The following CDH13 variants were observed in gnomAD, a reference collection of about 807,000 sequenced individuals.
CDH13 encodes cadherin 13.
CDH13 carries 24 observed loss-of-function variants against 63.8 expected under a neutral mutation model. The observed-to-expected ratio is 0.38, with a 90% CI of 0.27 to 0.53. The LOEUF (loss-of-function observed/expected upper bound fraction) is 0.53, where lower values mean the gene tolerates loss of function less well. CDH13 is among the 20% of genes least tolerant of loss of function. The pLI is 0.85. For synonymous variants in CDH13, 503 were observed against 355.3 expected, an observed-to-expected ratio of 1.42 and a Z score of -4.67; for missense variants, 1,049 against 903.1, an observed-to-expected ratio of 1.16 and a Z score of -2.07.
chr16:83,652,138 A>G (rs1912440970), intron 8 of CDH13, among the ~76,000 whole-genome samples: 1 of 152,226 alleles, frequency 6.6e-6, no homozygotes, highest in Non-Finnish European at 1.5e-5. Context: ...TGGGAATTAC[A>G]GTCGGGCCCA....
intron 2 of CDH13, among the ~76,000 whole-genome samples, chr16:82,942,882 G>A (rs1424422869): frequency 6.6e-6 from 1 of 152,150 alleles, no homozygotes; most frequent in African/African-American, 2.4e-5. Flanking sequence ...AAGTTGCTGA[G>A]CTATAATGTG....
chr16:83,191,504 TACACACACACACAC>T (rs1214690644), intron 4 of CDH13, among the ~76,000 whole-genome samples: 19 of 93,812 alleles, frequency 2.0e-4, no homozygotes, highest in Non-Finnish European at 3.0e-4. Flanking sequence ...TATATATATA[TACACACACACACAC>T]ACACACACAC....
At chr16:83,522,775 C>A (rs1421646440) in intron 7 of CDH13, among the ~76,000 whole-genome samples, 1 of 152,100 alleles carries the variant, frequency 6.6e-6, no homozygotes, top group East Asian at 1.9e-4. Context: ...AGCCTTGGGG[C>A]TGTGCATTCT....
intron 13 of CDH13, among the ~76,000 whole-genome samples, chr16:83,786,397 CCT>C (rs1915881906): frequency 6.6e-6 from 1 of 152,056 alleles, no homozygotes; most frequent in African/African-American, 2.4e-5. Flanking sequence ...AGCTCAGTGC[CCT>C]AGAAACTTTC....
chr16:83,160,321 A>G (rs938790072), intron 4 of CDH13, among the ~76,000 whole-genome samples: 4 of 152,072 alleles, frequency 2.6e-5, no homozygotes, highest in Non-Finnish European at 4.4e-5. Flanking sequence ...CTGACTTTCA[A>G]TTTTATTATA....
At chr16:82,680,348 A>C (rs1914411870) in intron 1 of CDH13, among the ~76,000 whole-genome samples, 1 of 152,204 alleles carries the variant, frequency 6.6e-6, no homozygotes. Flanking sequence ...CACATTCTAC[A>C]CATCATGAAA....
chr16:83,217,201 C>T lies in CDH13; in HGVS notation c.484-144C>T, dbSNP rs2039562339. The T allele has an allele frequency of 4.2e-6, 3 of 706,510 alleles. No individual in the cohort carries two copies. The Admixed American group carries it at 7.5e-5, about 18-fold the overall frequency. 43.8% of individuals were successfully genotyped at this position (706,510 alleles called of 1,614,324 possible). On this transcript the variant is annotated intron_variant, in intron 4 of 13. Coordinates refer to ENST00000567109, the MANE Select transcript of CDH13 (RefSeq NM_001257.5). ...TTAGGCAGTGATGCTATTTCTGGTGCTGTTACTTTAGTCAAATCTGTGTTC... is the reference window on the plus strand; with the variant it reads ...TTAGGCAGTGATGCTATTTCTGGTGTTGTTACTTTAGTCAAATCTGTGTTC...
At chr16:82,891,808 A>T (rs770514171) in intron 2 of CDH13, among the ~76,000 whole-genome samples, 11 of 152,222 alleles carry the variant, frequency 7.2e-5, no homozygotes, top group Non-Finnish European at 1.3e-4. Context: ...TTGAAATACC[A>T]GGCCCTTATC....
At chr16:83,550,578 G>C (rs2075472087) in intron 7 of CDH13, among the ~76,000 whole-genome samples, 1 of 152,202 alleles carries the variant, frequency 6.6e-6, no homozygotes, top group Non-Finnish European at 1.5e-5. Flanking sequence ...GCATGGTGGG[G>C]GATTCCTGCT....
chr16:83,636,098 TA>T (rs56081056), intron 8 of CDH13, among the ~76,000 whole-genome samples: 86,588 of 147,494 alleles, frequency 0.59, 25,037 homozygotes, highest in Non-Finnish European at 0.62. Context: ...TCCCCTTGAT[TA>T]AAAAAAAAAA....
chr16:83,695,858 C>A (rs575873808), intron 10 of CDH13, among the ~76,000 whole-genome samples: 2 of 151,378 alleles, frequency 1.3e-5, no homozygotes, highest in Non-Finnish European at 2.9e-5. Flanking sequence ...GTGAAAGAGA[C>A]GGAATTCAAA....
At chr16:83,265,456 C>G (rs1330254903) in intron 5 of CDH13, among the ~76,000 whole-genome samples, 2 of 152,232 alleles carry the variant, frequency 1.3e-5, no homozygotes, top group African/African-American at 2.4e-5. Flanking sequence ...ATCTAATTTT[C>G]TTTCAGCTCC....
At chr16:82,837,715 T>A (rs2038828524) in intron 1 of CDH13, among the ~76,000 whole-genome samples, 2 of 151,992 alleles carry the variant, frequency 1.3e-5, no homozygotes, top group Non-Finnish European at 2.9e-5. Context: ...AGTGCCCGAG[T>A]TTTTACTGGG....
chr16:83,315,659 C>G (rs777363286), intron 5 of CDH13, among the ~76,000 whole-genome samples: 2 of 151,304 alleles, frequency 1.3e-5, no homozygotes, highest in Non-Finnish European at 2.9e-5. Context: ...AAAAACAGCT[C>G]TAAGAAAATT....
chr16:83,287,965 G>C (rs1424185), intron 5 of CDH13, among the ~76,000 whole-genome samples: 144,590 of 152,236 alleles, frequency 0.95, 69,132 homozygotes, highest in East Asian at 1. Context: ...AGCAAAATAT[G>C]AACATGTTTT....
At position 83,353,270 on chromosome 16, in the gene CDH13, G is replaced by A. The variant is rs1409676251; in HGVS notation, c.781+8264G>A. Among the ~76,000 whole-genome samples, 8 of 152,242 alleles carry A rather than the reference G, an allele frequency of 5.3e-5. No homozygotes were observed. The East Asian group carries it at 9.6e-4, about 18-fold the overall frequency. On this transcript the variant is annotated intron_variant, in intron 6 of 13. Transcript: ENST00000567109. ...TGCCAAGTTGCTCCTAACTATGTCT[G>A]AAGGTCCTCTGGTGATATCTCACAC...
intron 2 of CDH13, among the ~76,000 whole-genome samples, chr16:82,996,914 G>T (rs1157206053): frequency 1.3e-5 from 2 of 151,856 alleles, no homozygotes; most frequent in African/African-American, 2.4e-5. Flanking sequence ...TGGTGATGTT[G>T]ATTATTATGG....
chr16:83,045,091 T>A (rs1176248005), intron 3 of CDH13, among the ~76,000 whole-genome samples: 1 of 152,188 alleles, frequency 6.6e-6, no homozygotes, highest in Non-Finnish European at 1.5e-5. Flanking sequence ...TGGAGATACT[T>A]GGTCACTGCC....
chr16:83,438,615 G>A (rs1034587885), intron 6 of CDH13, among the ~76,000 whole-genome samples: 1 of 152,160 alleles, frequency 6.6e-6, no homozygotes, highest in Non-Finnish European at 1.5e-5. Flanking sequence ...TATTTAAAAA[G>A]CAATAATACA....
Sources: gnomAD v4.1 joint callset for allele counts (sites outside exome capture counted in the v4.1 genomes callset) on GRCh38, gnomAD v4.1.1 for gene constraint, MANE v1.5 for transcripts, NCBI Gene and HGNC (gene_info 2026-07-23, HGNC 2026-07-21) for gene names.